Variants in BLTP1 observed in about 807,000 individuals in gnomAD.
The protein encoded by BLTP1 is fragile site-associated protein.
At chr4:122,234,649 G>C in the BLTP1 span, 1 of 1,111,152 alleles carries the variant, frequency 9.0e-7, no homozygotes. Flanking sequence ...TTGTGTTTGT[G>C]TTTACTTTGT....
At chr4:122,199,426 C>T in the BLTP1 span, 3 of 1,613,270 alleles carry the variant, frequency 1.9e-6, no homozygotes, top group Non-Finnish European at 2.5e-6. Context: ...AATATCGGAC[C>T]CTTTTAGAAG....
At chr4:122,200,610 C>T in the BLTP1 span, 1 of 888,622 alleles carries the variant, frequency 1.1e-6, no homozygotes, top group South Asian at 5.5e-5. Flanking sequence ...AAATGCCAAA[C>T]TGCAGAAATA....
chr4:122,300,949 A>G, the BLTP1 span: 1 of 984,316 alleles, frequency 1.0e-6, no homozygotes, highest in Non-Finnish European at 1.2e-6. Context: ...TCTTAATAGT[A>G]ACTTCACCAC....
the BLTP1 span, chr4:122,348,514 A>T: frequency 6.8e-7 from 1 of 1,468,032 alleles, no homozygotes; most frequent in South Asian, 1.4e-5. Context: ...TTTGCTTTGT[A>T]ACTAGCTTGG....
the BLTP1 span, chr4:122,188,969 T>A: frequency 2.0e-6 from 2 of 985,194 alleles, no homozygotes; most frequent in Non-Finnish European, 2.4e-6. Flanking sequence ...TCGCGGTGAC[T>A]GTGGGTCTTC....
chr4:122,291,302 G>A, the BLTP1 span, among the ~76,000 whole-genome samples: 1 of 152,330 alleles, frequency 6.6e-6, no homozygotes, highest in South Asian at 2.1e-4. Flanking sequence ...CACAGGGCCT[G>A]ATGGCGCATA....
At chr4:122,179,956 T>C in the BLTP1 span, 89,776 of 984,244 alleles carry the variant, frequency 0.091, 5,104 homozygotes, top group African/African-American at 0.26. Context: ...TGTCCCCTCA[T>C]AAACAAGTAT....
At chr4:122,223,128 G>A in the BLTP1 span, 5 of 962,872 alleles carry the variant, frequency 5.2e-6, no homozygotes, top group Non-Finnish European at 6.2e-6. Context: ...AAGTCACACA[G>A]CTTGGATGAA....
the BLTP1 span, among the ~76,000 whole-genome samples, chr4:122,253,218 A>G: frequency 6.6e-6 from 1 of 152,166 alleles, no homozygotes; most frequent in Admixed American, 6.5e-5. Context: ...GAAGACTACA[A>G]TAAACACCTA....
chr4:122,299,972 A>G, the BLTP1 span: 2 of 966,176 alleles, frequency 2.1e-6, no homozygotes, highest in South Asian at 9.9e-5. Flanking sequence ...ATAATCTACA[A>G]AGACACATAT....
chr4:122,209,319 G>T, the BLTP1 span: 2 of 1,611,804 alleles, frequency 1.2e-6, no homozygotes, highest in Non-Finnish European at 1.7e-6. Context: ...CCAAAATGGC[G>T]CAACGTTACT....
At chr4:122,349,905 G>T in the BLTP1 span, 5 of 1,613,618 alleles carry the variant, frequency 3.1e-6, no homozygotes, top group East Asian at 2.2e-5. This position sits in a 1 kb window ranked among gnomAD's most constrained non-coding sequence, Gnocchi z 4.5. Context: ...TCCAAGTAAT[G>T]ATATCAAGGT....
the BLTP1 span, chr4:122,174,418 A>C: frequency 5.3e-6 from 5 of 946,076 alleles, 1 homozygote; most frequent in South Asian, 2.4e-4. Context: ...TGGGGAAAGA[A>C]TGATGGAAAA....
chr4:122,164,243 G>A, the BLTP1 span, among the ~76,000 whole-genome samples: 1 of 152,228 alleles, frequency 6.6e-6, no homozygotes, highest in Admixed American at 6.5e-5. Context: ...GTTATAAGGA[G>A]AGGCCAAGAA....
chr4:122,306,787 G>A, the BLTP1 span: 1 of 546,630 alleles, frequency 1.8e-6, no homozygotes, highest in African/African-American at 2.0e-5. Context: ...TAATTAATGT[G>A]GATTGGGCAA....
chr4:122,255,397 C>A, the BLTP1 span: 1 of 746,452 alleles, frequency 1.3e-6, no homozygotes, highest in Admixed American at 2.6e-5. Context: ...GTCTATAGGC[C>A]TGTAATCCCA....
chr4:122,239,578 G>A, the BLTP1 span: 3 of 1,613,830 alleles, frequency 1.9e-6, no homozygotes, highest in South Asian at 2.2e-5. Flanking sequence ...AAGTCAGTAG[G>A]TCAATCTCCT....
chr4:122,255,641 T>C, the BLTP1 span, among the ~76,000 whole-genome samples: 1 of 151,976 alleles, frequency 6.6e-6, no homozygotes, highest in Non-Finnish European at 1.5e-5. Flanking sequence ...AGCAAAACTC[T>C]GTCTCAAGAA....
At chr4:122,262,673 G>A in the BLTP1 span, 1 of 1,450,586 alleles carries the variant, frequency 6.9e-7, no homozygotes, top group Non-Finnish European at 9.2e-7. Context: ...GTAGCTAGCA[G>A]TTATAGCAAC....
Sources: allele counts gnomAD v4.1 joint callset (sites outside exome capture counted in the v4.1 genomes callset), GRCh38; gene constraint gnomAD v4.1.1; non-coding constraint Gnocchi (gnomAD v3.1); transcripts MANE v1.5; gene names NCBI Gene and HGNC (gene_info 2026-07-23, HGNC 2026-07-21).